SGCG: variants seen among roughly 807,000 people sequenced by gnomAD.
SGCG encodes the protein sarcoglycan gamma.
A neutral mutation model predicts 29.3 loss-of-function variants in SGCG; 26 were observed. The observed-to-expected ratio is 0.89, with a 90% CI of 0.65 to 1.23. SGCG has a LOEUF of 1.23. Among genes scored for constraint, SGCG ranks in the 50% most tolerant of loss-of-function variants. The pLI is 0.00. For synonymous variants in SGCG, 145 were observed against 129.7 expected (o/e 1.12, Z -0.80); for missense variants, 353 against 356.0 (o/e 0.99, Z 0.07).
chr13:23,180,484 G>A (rs1357176919), upstream of SGCG, among the ~76,000 whole-genome samples: 3 of 152,204 alleles, frequency 2.0e-5, no homozygotes, highest in Non-Finnish European at 4.4e-5. Flanking sequence ...CTTAGGGAAA[G>A]TGATTTTTAA....
intron 2 of SGCG, among the ~76,000 whole-genome samples, chr13:23,215,390 G>A (rs951894318): frequency 5.9e-5 from 9 of 151,950 alleles, no homozygotes; most frequent in Admixed American, 4.6e-4. Context: ...ACTTGATTAG[G>A]TTTTATTTAG....
intron 4 of SGCG, among the ~76,000 whole-genome samples, chr13:23,269,669 T>C (rs1351562686): frequency 6.6e-6 from 1 of 152,142 alleles, no homozygotes; most frequent in East Asian, 1.9e-4. Flanking sequence ...TCAAAATTAC[T>C]CCATATTAAT....
intron 4 of SGCG, chr13:23,268,632 G>C (rs1397586366): frequency 3.3e-5 from 5 of 152,360 alleles, no homozygotes; most frequent in Non-Finnish European, 4.4e-5. Flanking sequence ...ATGGTGGGTG[G>C]GTTGACGTGT....
chr13:23,321,119 C>T (rs1398288477), intron 7 of SGCG, among the ~76,000 whole-genome samples: 2 of 152,056 alleles, frequency 1.3e-5, no homozygotes, highest in Non-Finnish European at 2.9e-5. Flanking sequence ...TAGGAGTCAC[C>T]CACTAACAAC....
In SGCG at chr13:23,255,145, C is replaced by A. The variant is rs73436848; in HGVS notation, c.385+4428C>A. On this transcript the variant is annotated intron_variant, in intron 4 of 7. Coordinates refer to ENST00000218867, the MANE Select transcript of SGCG (RefSeq NM_000231.3). Reference sequence around the variant, plus strand: ...CCAGACCCCAGAATCGTCGAGCTACCAGAAACTTGCATCTTGAGCCTGGAA... The same window carrying A: ...CCAGACCCCAGAATCGTCGAGCTACAAGAAACTTGCATCTTGAGCCTGGAA... Among the ~76,000 whole-genome samples the A allele has an allele frequency of 3.5e-3, 529 of 152,274 alleles. 4 individuals are homozygous for A. Among genetic ancestry groups the A allele is most frequent in the African/African-American group, 0.012 (512 of 41,560 alleles).
At chr13:23,192,032 G>A (rs895205792) in intron 1 of SGCG, among the ~76,000 whole-genome samples, 116 of 151,908 alleles carry the variant, frequency 7.6e-4, no homozygotes, top group African/African-American at 2.5e-3. Context: ...AAAATAAGCC[G>A]GGCGTGGTGG....
intron 2 of SGCG, among the ~76,000 whole-genome samples, chr13:23,210,273 A>T (rs183285950): frequency 5.9e-5 from 9 of 152,326 alleles, no homozygotes; most frequent in African/African-American, 2.2e-4. Flanking sequence ...CATTAATATG[A>T]GTGATCATTT....
chr13:23,161,361 C>G, the SGCG span, among the ~76,000 whole-genome samples: 1 of 152,230 alleles, frequency 6.6e-6, no homozygotes, highest in African/African-American at 2.4e-5. Flanking sequence ...GCCAGTTGAT[C>G]TGTGAAACAT....
intron 4 of SGCG, among the ~76,000 whole-genome samples, chr13:23,258,296 T>C (rs1880278544): frequency 6.6e-6 from 1 of 152,284 alleles, no homozygotes; most frequent in East Asian, 1.9e-4. Flanking sequence ...GGTATTTTAT[T>C]CTCTTTGTAG....
At chr13:23,278,619 C>T (rs1261719497) in intron 4 of SGCG, among the ~76,000 whole-genome samples, 2 of 152,054 alleles carry the variant, frequency 1.3e-5, no homozygotes, top group Non-Finnish European at 2.9e-5. Flanking sequence ...GCCTGAGGTG[C>T]GTGTGTAGCT....
rs948282422 is a variant in SGCG at position 23,318,093 on chromosome 13, G to A, written c.579-2544G>A. On this transcript the variant is annotated intron_variant, in intron 6 of 7. Transcript: ENST00000218867. ...TCCAAGTTCTTCAGTTTTGAGACTCGGACTGGCTCTCTTTGCTCCTTAAGC... is the reference window on the plus strand; with the variant it reads ...TCCAAGTTCTTCAGTTTTGAGACTCAGACTGGCTCTCTTTGCTCCTTAAGC... Among the ~76,000 whole-genome samples, 8 of 152,140 alleles carry A rather than the reference G, an allele frequency of 5.3e-5. No homozygotes were observed. In the East Asian group the frequency reaches 5.8e-4, roughly 11 times the overall value.
At chr13:23,320,017 C>G (rs1882975013) in intron 6 of SGCG, among the ~76,000 whole-genome samples, 1 of 152,204 alleles carries the variant, frequency 6.6e-6, no homozygotes, top group Non-Finnish European at 1.5e-5. Flanking sequence ...CAAAAGAAAT[C>G]TTTCCATTTG....
At chr13:23,192,050 C>G (rs1013188002) in intron 1 of SGCG, among the ~76,000 whole-genome samples, 10 of 151,902 alleles carry the variant, frequency 6.6e-5, no homozygotes, top group African/African-American at 2.2e-4. Context: ...TGGCGGGCTC[C>G]TGTAGTCCCA....
At chr13:23,259,327 C>A (rs1027420881) in intron 4 of SGCG, among the ~76,000 whole-genome samples, 1 of 152,050 alleles carries the variant, frequency 6.6e-6, no homozygotes, top group Admixed American at 6.6e-5. Flanking sequence ...GGTTTATTTG[C>A]GTAGAGGTGT....
chr13:23,180,741 TAAG>T (rs932555818), upstream of SGCG, among the ~76,000 whole-genome samples: 15 of 152,362 alleles, frequency 9.8e-5, no homozygotes, highest in South Asian at 4.1e-4. Context: ...GTTGGTTTTG[TAAG>T]AAGAAGAGTT....
the SGCG span, among the ~76,000 whole-genome samples, chr13:23,168,620 G>A: frequency 6.6e-6 from 1 of 152,134 alleles, no homozygotes; most frequent in Non-Finnish European, 1.5e-5. Flanking sequence ...ATACAATAAT[G>A]GACATTTCCA....
intron 2 of SGCG, among the ~76,000 whole-genome samples, chr13:23,224,372 T>A (rs1331705374): frequency 6.6e-6 from 1 of 152,148 alleles, no homozygotes; most frequent in East Asian, 1.9e-4. Flanking sequence ...ATTCTTTCTT[T>A]CTCCTGCCGA....
intron 2 of SGCG, among the ~76,000 whole-genome samples, chr13:23,204,526 C>T (rs1448667154): frequency 6.6e-6 from 1 of 152,126 alleles, no homozygotes; most frequent in African/African-American, 2.4e-5. Context: ...GAGAACATTG[C>T]AGGCAGGTCA....
intron 2 of SGCG, among the ~76,000 whole-genome samples, chr13:23,209,993 T>C (rs1390926606): frequency 1.3e-5 from 2 of 152,188 alleles, no homozygotes; most frequent in Non-Finnish European, 2.9e-5. Context: ...AACTCTAAAA[T>C]TACCTAAATA....
Sources: gnomAD v4.1 joint callset for allele counts (sites outside exome capture counted in the v4.1 genomes callset) on GRCh38, gnomAD v4.1.1 for gene constraint, MANE v1.5 for transcripts, NCBI Gene and HGNC (gene_info 2026-07-23, HGNC 2026-07-21) for gene names.